Variants in ABTB3 observed in about 807,000 individuals in gnomAD.
ABTB3 encodes the protein ankyrin repeat- and BTB/POZ domain-containing protein 3.
the ABTB3 span, chr12:107,318,784 A>T: frequency 1.3e-6 from 1 of 797,522 alleles, no homozygotes; most frequent in Non-Finnish European, 1.9e-6. Context: ...CAGTTCCGGG[A>T]GGCAGCCGAA....
At chr12:107,462,922 G>A in the ABTB3 span, among the ~76,000 whole-genome samples, 33 of 151,426 alleles carry the variant, frequency 2.2e-4, no homozygotes, top group African/African-American at 7.8e-4. Context: ...TAGTGACGGT[G>A]ATGATGACTG....
chr12:107,445,909 G>T, the ABTB3 span, among the ~76,000 whole-genome samples: 1 of 86,600 alleles, frequency 1.2e-5, no homozygotes, highest in African/African-American at 4.4e-5. Flanking sequence ...CCCTCTCCCT[G>T]TCTTCCCATC....
At chr12:107,432,033 GT>G in the ABTB3 span, among the ~76,000 whole-genome samples, 1 of 152,228 alleles carries the variant, frequency 6.6e-6, no homozygotes, top group Non-Finnish European at 1.5e-5. Context: ...AGAGGTTGCA[GT>G]TTTTCTGCCC....
the ABTB3 span, among the ~76,000 whole-genome samples, chr12:107,575,709 T>A: frequency 8.5e-5 from 13 of 152,182 alleles, no homozygotes; most frequent in African/African-American, 3.1e-4. Flanking sequence ...TTTTCCTTTT[T>A]CCTTTGACCT....
At chr12:107,539,240 G>A in the ABTB3 span, among the ~76,000 whole-genome samples, 23 of 152,082 alleles carry the variant, frequency 1.5e-4, no homozygotes, top group Admixed American at 3.3e-4. Context: ...TGTCCTCACT[G>A]GAAAATTAAA....
At chr12:107,593,548 A>G in the ABTB3 span, among the ~76,000 whole-genome samples, 1 of 152,238 alleles carries the variant, frequency 6.6e-6, no homozygotes, top group South Asian at 2.1e-4. Context: ...CCCACTAGCT[A>G]GCATATACTT....
the ABTB3 span, among the ~76,000 whole-genome samples, chr12:107,363,527 C>T: frequency 6.6e-6 from 1 of 152,134 alleles, no homozygotes; most frequent in Admixed American, 6.5e-5. Flanking sequence ...GTCTGTTGCC[C>T]TTTAGGGTGT....
the ABTB3 span, among the ~76,000 whole-genome samples, chr12:107,536,509 C>A: frequency 0.11 from 16,416 of 151,918 alleles, 952 homozygotes; most frequent in African/African-American, 0.14. Flanking sequence ...GGACTAATGT[C>A]CGTAATAGAC....
chr12:107,338,228 C>T, the ABTB3 span, among the ~76,000 whole-genome samples: 1 of 152,176 alleles, frequency 6.6e-6, no homozygotes, highest in Non-Finnish European at 1.5e-5. Flanking sequence ...CACAGTAAGA[C>T]AGGAGGAGAT....
At chr12:107,535,674 A>G in the ABTB3 span, among the ~76,000 whole-genome samples, 1 of 152,186 alleles carries the variant, frequency 6.6e-6, no homozygotes, top group East Asian at 1.9e-4. Flanking sequence ...TACAATAGCT[A>G]CAAAAAAATT....
chr12:107,604,196 G>C, the ABTB3 span, among the ~76,000 whole-genome samples: 1 of 151,710 alleles, frequency 6.6e-6, no homozygotes, highest in African/African-American at 2.4e-5. Flanking sequence ...GGCCAGGCAC[G>C]GTGGCACTTT....
the ABTB3 span, among the ~76,000 whole-genome samples, chr12:107,451,177 C>G: frequency 6.6e-6 from 1 of 152,054 alleles, no homozygotes; most frequent in Non-Finnish European, 1.5e-5. Flanking sequence ...AATATGGCAC[C>G]ATAGAGGATG....
chr12:107,651,892 G>A, the ABTB3 span: 4 of 925,716 alleles, frequency 4.3e-6, no homozygotes, highest in Non-Finnish European at 6.8e-6. Flanking sequence ...TGCTGGGCCA[G>A]TTCTCTCAGG....
the ABTB3 span, among the ~76,000 whole-genome samples, chr12:107,381,587 G>A: frequency 6.6e-6 from 1 of 152,204 alleles, no homozygotes; most frequent in Non-Finnish European, 1.5e-5. Context: ...CAGTGTCAGG[G>A]AATTAATGGC....
chr12:107,513,435 G>T, the ABTB3 span, among the ~76,000 whole-genome samples: 1 of 152,120 alleles, frequency 6.6e-6, no homozygotes, highest in African/African-American at 2.4e-5. Flanking sequence ...GTCCTCACGA[G>T]ATCTGATGGT....
At chr12:107,378,047 G>A in the ABTB3 span, among the ~76,000 whole-genome samples, 6 of 152,168 alleles carry the variant, frequency 3.9e-5, no homozygotes, top group Admixed American at 3.9e-4. Context: ...TATGGACTTC[G>A]GGAGACCAAG....
the ABTB3 span, among the ~76,000 whole-genome samples, chr12:107,418,433 C>T: frequency 6.6e-6 from 1 of 152,122 alleles, no homozygotes; most frequent in African/African-American, 2.4e-5. Flanking sequence ...TAGTTCTGTC[C>T]CTCTAGAGAA....
the ABTB3 span, among the ~76,000 whole-genome samples, chr12:107,522,288 C>T: frequency 4.6e-5 from 7 of 152,122 alleles, no homozygotes; most frequent in African/African-American, 1.4e-4. Context: ...ACTATGGCAA[C>T]TTTTCTCCCC....
chr12:107,581,128 T>C, the ABTB3 span: 1 of 1,533,908 alleles, frequency 6.5e-7, no homozygotes, highest in Non-Finnish European at 8.8e-7. Flanking sequence ...AACGCGCGTC[T>C]CCGGGTCCCT....
Sources: allele counts gnomAD v4.1 joint callset (sites outside exome capture counted in the v4.1 genomes callset), GRCh38; gene constraint gnomAD v4.1.1; transcripts MANE v1.5; gene names NCBI Gene and HGNC (gene_info 2026-07-23, HGNC 2026-07-21).